UBAP2L: variants seen among roughly 807,000 people sequenced by gnomAD.
UBAP2L encodes ubiquitin-associated protein 2-like.
A neutral mutation model predicts 130.6 loss-of-function variants in UBAP2L; 12 were observed. That is an observed-to-expected ratio of 0.09 (90% confidence interval 0.06 to 0.15). The LOEUF is 0.15. UBAP2L is among the 10% of genes least tolerant of loss of function. UBAP2L has a pLI of 1.00. For missense variants in UBAP2L, 965 were observed against 1,332.5 expected (o/e 0.72, Z 4.29); for synonymous variants, 503 against 524.7 (o/e 0.96, Z 0.57).
chr1:154,221,875 G>A (rs1347592853), intron 1 of UBAP2L, among the ~76,000 whole-genome samples: 1 of 152,196 alleles, frequency 6.6e-6, no homozygotes, highest in East Asian at 1.9e-4. Flanking sequence ...TTACGCTTAA[G>A]GGACGTCACT....
At position 154,254,817 on chromosome 1, in the gene UBAP2L, T is replaced by G. The variant is rs1679069275; in HGVS notation, c.1855-19T>G. The G allele has an allele frequency of 4.6e-6, 3 of 649,530 alleles. No individual in the cohort carries two copies. Among genetic ancestry groups the G allele is most frequent in the Non-Finnish European group, 6.8e-6 (3 of 444,320 alleles). 40.2% of individuals were successfully genotyped at this position (649,530 alleles called of 1,614,324 possible). On this transcript the variant is annotated intron_variant, in intron 15 of 26. Transcript: ENST00000428931. ...AGTTTGTCTGTTTCTTGCTCTTCTGTTTTTTTTTTTTTTACCAGAATGGCT... is the reference window on the plus strand; with the variant it reads ...AGTTTGTCTGTTTCTTGCTCTTCTGGTTTTTTTTTTTTTACCAGAATGGCT...
intron 21 of UBAP2L, chr1:154,259,628 TC>T (rs1427547627): frequency 5.2e-6 from 2 of 384,366 alleles, no homozygotes; most frequent in Non-Finnish European, 9.7e-6. Context: ...TATCGAATGA[TC>T]TGTTTTCTCA....
intron 2 of UBAP2L, among the ~76,000 whole-genome samples, chr1:154,225,955 A>AGGAGTGT (rs1667797436): frequency 6.6e-6 from 1 of 152,226 alleles, no homozygotes; most frequent in Non-Finnish European, 1.5e-5. Flanking sequence ...CTGGGATTAC[A>AGGAGTGT]GGAGTGTGCT....
Position 154,241,548 on chromosome 1 carries a change from G to A in UBAP2L, c.739G>A (p.Glu247Lys), listed in dbSNP as rs2148732895. 6.2e-7 allele frequency: 1 copy of A among 1,614,082 alleles called. No individual in the cohort carries two copies. ...WRTATEEWGT[E>K]DWNEDLSETK... ...GACTGCAACAGAGGAGTGGGGGACT[G>A]AAGATTGGAATGAAGATGTAGGTAT... The change falls in exon 9 of 27, where the codon GAA (glutamate) becomes AAA (lysine). Residue 247 changes from glutamate (E) to lysine (K), a missense_variant. Around this residue, in one of 9 missense-constraint regions of UBAP2L, gnomAD observed 19 missense variants for 52.1 expected, o/e 0.36. Transcript: ENST00000428931.
Position 154,235,119 on chromosome 1 carries a change from C to T in UBAP2L, c.449-77C>T, listed in dbSNP as rs2148631963. The T allele has an allele frequency of 1.3e-5, 9 of 693,956 alleles. 1 individual carries two copies. Among genetic ancestry groups the T allele is most frequent in the South Asian group, 9.6e-5 (6 of 62,662 alleles). 43.0% of individuals were successfully genotyped at this position (693,956 alleles called of 1,614,324 possible). ...TACCATTTATATATTTGTATATATC[C>T]TGTTGACTGTGCTCTGGCCATCTGT... On this transcript the variant is annotated intron_variant, in intron 5 of 26. Transcript: ENST00000428931.
At chr1:154,257,766 C>T (rs143783651) in intron 20 of UBAP2L, 1 of 333,266 alleles carries the variant, frequency 3.0e-6, no homozygotes, top group African/African-American at 2.1e-5. Flanking sequence ...GGAAAAAATA[C>T]TAAACTGAGG....
chr1:154,255,725 T>A lies in UBAP2L; in HGVS notation c.2127T>A (p.Ser709=), dbSNP rs1260385916. Residue 709 remains serine (S), a synonymous_variant, in exon 18 of 27, where the codon TCT becomes TCA. Transcript: ENST00000428931. ...TQQNTLSSST[S]SGRTSTSTLL... ...AGAATACCCTTTCATCATCAACATC[T>A]TCTGGGCGCACTTCGACATCCACTC... The A allele has an allele frequency of 1.9e-6, 3 of 1,614,072 alleles. No individual in the cohort carries two copies. The highest frequency in any genetic ancestry group is 4.5e-5 in the East Asian group (2 of 44,898).
downstream of UBAP2L, chr1:154,271,169 G>A (rs1327729369): frequency 4.2e-6 from 2 of 474,154 alleles, no homozygotes; most frequent in Admixed American, 3.7e-5. Context: ...AGGGATAGAG[G>A]AGATTGGGTG....
At chr1:154,242,293 T>C (rs143321929) in intron 9 of UBAP2L, among the ~76,000 whole-genome samples, 2 of 152,338 alleles carry the variant, frequency 1.3e-5, no homozygotes, top group East Asian at 3.9e-4. Flanking sequence ...TTCTATACTT[T>C]CATGTAGTTA....
chr1:154,223,123 AAAAATTT>A (rs1666834449), intron 1 of UBAP2L, among the ~76,000 whole-genome samples: 1 of 20,536 alleles, frequency 4.9e-5, no homozygotes, highest in Admixed American at 6.9e-4. Flanking sequence ...ACTAGGTGGT[AAAAATTT>A]TCTTAGTCAC....
At position 154,255,133 on chromosome 1, in the gene UBAP2L, C is replaced by G. The variant is rs1441527808; in HGVS notation, c.1910-19C>G. On this transcript the variant is annotated intron_variant, in intron 16 of 26. Transcript: ENST00000428931. ...CCCTTTTTTCTGATGAGAGGAATTC[C>G]TTTCTTCTAAATTTCTAGGTGCTAC... The G allele has an allele frequency of 3.7e-6, 6 of 1,612,664 alleles. No homozygotes were observed. Among genetic ancestry groups the G allele is most frequent in the Non-Finnish European group, 5.1e-6 (6 of 1,179,340 alleles).
chr1:154,245,441 G>A (rs1011280882), intron 10 of UBAP2L, among the ~76,000 whole-genome samples: 1 of 152,142 alleles, frequency 6.6e-6, no homozygotes, highest in South Asian at 2.1e-4. Flanking sequence ...GAAATTTTAC[G>A]AAAATTGTGG....
At chr1:154,266,805 T>TATCGTGTCA (rs1450178962) in intron 25 of UBAP2L, among the ~76,000 whole-genome samples, 1 of 152,184 alleles carries the variant, frequency 6.6e-6, no homozygotes, top group East Asian at 1.9e-4. Context: ...GCAAATTGTT[T>TATCGTGTCA]ATCGTGTCAT....
chr1:154,246,963 T>C (rs1185881239), intron 11 of UBAP2L, among the ~76,000 whole-genome samples: 1 of 152,208 alleles, frequency 6.6e-6, no homozygotes, highest in Non-Finnish European at 1.5e-5. Flanking sequence ...ACTTATGACA[T>C]ATTACTTGTT....
chr1:154,247,186 A>T (rs1341069440), intron 11 of UBAP2L, among the ~76,000 whole-genome samples: 1 of 152,114 alleles, frequency 6.6e-6, no homozygotes, highest in Admixed American at 6.6e-5. Flanking sequence ...TTATTTTTCC[A>T]GTTAGAGTAA....
At chr1:154,240,935 T>TC (rs71096517) in intron 8 of UBAP2L, among the ~76,000 whole-genome samples, 11,445 of 80,548 alleles carry the variant, frequency 0.14, 903 homozygotes, top group African/African-American at 0.29. Context: ...TGTCTGTCTG[T>TC]CCCCCCCCCC....
At position 154,251,617 on chromosome 1, in the gene UBAP2L, G is replaced by C. The variant is rs760519842; in HGVS notation, c.1628G>C (p.Ser543Thr). ...ESTPTTSASSSQAPSSLYTST... is the reference protein window; with the variant it reads ...ESTPTTSASSTQAPSSLYTST... The stretch of plus-strand genomic sequence containing the variant: ...ACCCCCACCACGAGCGCCTCTTCAA[G>C]CCAGGCTCCAAGTAGCCTGTATACC... The change falls in exon 14 of 27, where the codon AGC becomes ACC. Residue 543 changes from serine (S) to threonine (T), a missense_variant. Transcript: ENST00000428931. 2 of 1,614,102 alleles carry C rather than the reference G, an allele frequency of 1.2e-6. No individual in the cohort carries two copies. Among genetic ancestry groups the C allele is most frequent in the Non-Finnish European group, 8.5e-7 (1 of 1,180,018 alleles).
Position 154,267,577 on chromosome 1 carries a change from TTCTGA to T in UBAP2L, c.2970+1010_2970+1014del, listed in dbSNP as rs562605365. On this transcript the variant is annotated intron_variant, in intron 25 of 26. Coordinates refer to ENST00000428931, the MANE Select transcript of UBAP2L (RefSeq NM_014847.4). ...GGAGTGCAGTGGTGGAATCTCAGCC[TTCTGA>T]GTAGCTGGGGCTATAGGTGTACACC... Among the ~76,000 whole-genome samples the T allele has an allele frequency of 3.9e-3, 586 of 150,888 alleles. 6 individuals carry two copies. Among genetic ancestry groups the T allele is most frequent in the African/African-American group, 0.013 (552 of 40,986 alleles).
chr1:154,220,624 C>T, upstream of UBAP2L: 1 of 594,806 alleles, frequency 1.7e-6, no homozygotes, highest in East Asian at 2.8e-5. Flanking sequence ...TGACACGTGA[C>T]TCAGGCAGGC....
Sources: gnomAD v4.1 joint callset for allele counts (sites outside exome capture counted in the v4.1 genomes callset) on GRCh38, gnomAD v4.1.1 for gene constraint, gnomAD v4.1.1 regional missense constraint, MANE v1.5 for transcripts, NCBI Gene and HGNC (gene_info 2026-07-23, HGNC 2026-07-21) for gene names.